Variants in FHIT observed in about 807,000 individuals in gnomAD.
FHIT encodes bis(5'-adenosyl)-triphosphatase.
In FHIT, 19 loss-of-function variants were observed where a neutral mutation model predicts 17.9. The ratio of observed to expected loss-of-function variants is 1.06; its 90% confidence interval spans 0.74 to 1.56. The LOEUF (loss-of-function observed/expected upper bound fraction) is 1.56. Among genes scored for constraint, FHIT ranks in the 40% most tolerant of loss-of-function variants. FHIT has a pLI of 0.00. For synonymous variants in FHIT, 81 were observed against 69.7 expected (o/e 1.16, Z -0.81); for missense variants, 248 against 189.2 (o/e 1.31, Z -1.82).
At chr3:60,997,892 A>G (rs1407331130) in intron 3 of FHIT, among the ~76,000 whole-genome samples, 2 of 152,234 alleles carry the variant, frequency 1.3e-5, no homozygotes, top group African/African-American at 4.8e-5. Context: ...AGGCCAAGGA[A>G]TAATATTATT....
chr3:60,857,569 G>A (rs1553750295), intron 3 of FHIT, among the ~76,000 whole-genome samples: 1 of 152,026 alleles, frequency 6.6e-6, no homozygotes, highest in Non-Finnish European at 1.5e-5. Flanking sequence ...TTGCCACAGA[G>A]TTAGCATGCA....
intron 9 of FHIT, chr3:59,751,043 A>C (rs1464992140): frequency 5.5e-6 from 1 of 181,404 alleles, no homozygotes; most frequent in African/African-American, 2.4e-5. Flanking sequence ...AACAAAAAAG[A>C]AACTATTTAT....
intron 4 of FHIT, among the ~76,000 whole-genome samples, chr3:60,566,583 A>C (rs182801725): frequency 0.044 from 6,674 of 152,126 alleles, 486 homozygotes; most frequent in African/African-American, 0.15. Context: ...ACTCCTATTC[A>C]ACATAGTGTT....
intron 8 of FHIT, among the ~76,000 whole-genome samples, chr3:59,899,928 A>T (rs1051776480): frequency 6.6e-6 from 1 of 152,218 alleles, no homozygotes; most frequent in African/African-American, 2.4e-5. Flanking sequence ...TTTTCTATAA[A>T]GGTCCAGATA....
At chr3:60,302,856 G>C (rs1708507916) in intron 5 of FHIT, among the ~76,000 whole-genome samples, 1 of 152,096 alleles carries the variant, frequency 6.6e-6, no homozygotes, top group Non-Finnish European at 1.5e-5. Flanking sequence ...TTCTCATCAA[G>C]CATCACTTTA....
intron 4 of FHIT, among the ~76,000 whole-genome samples, chr3:60,678,633 A>G (rs1365771276): frequency 1.3e-5 from 2 of 152,164 alleles, no homozygotes; most frequent in Admixed American, 1.3e-4. Flanking sequence ...AAGTTGCACA[A>G]ATGAAATCAG....
intron 5 of FHIT, among the ~76,000 whole-genome samples, chr3:60,340,991 T>C (rs1022619066): frequency 1.3e-5 from 2 of 152,162 alleles, no homozygotes; most frequent in Non-Finnish European, 2.9e-5. Context: ...ACCCGGCCTA[T>C]ATGAGAATTT....
At chr3:60,915,686 G>T (rs543405279) in intron 3 of FHIT, among the ~76,000 whole-genome samples, 26 of 152,036 alleles carry the variant, frequency 1.7e-4, no homozygotes, top group Non-Finnish European at 3.7e-4. Flanking sequence ...CCTCATAAAA[G>T]GTGTTCTAAA....
At chr3:60,575,042 T>A (rs369352024) in intron 4 of FHIT, among the ~76,000 whole-genome samples, 17 of 152,178 alleles carry the variant, frequency 1.1e-4, no homozygotes, top group African/African-American at 3.9e-4. Flanking sequence ...GAGTAAAGAA[T>A]AAAGGAAGAA....
chr3:60,260,676 G>A (rs1576384271), intron 5 of FHIT, among the ~76,000 whole-genome samples: 1 of 151,990 alleles, frequency 6.6e-6, no homozygotes, highest in South Asian at 2.1e-4. Context: ...GGTAAAATAA[G>A]GCTGAGACCT....
chr3:60,569,746 TATA>T (rs1201940125), intron 4 of FHIT, among the ~76,000 whole-genome samples: 9,740 of 81,150 alleles, frequency 0.12, 658 homozygotes, highest in Non-Finnish European at 0.15. Flanking sequence ...TATATATATA[TATA>T]TATATATTTT....
chr3:61,184,160 G>T (rs1439421243), intron 2 of FHIT, among the ~76,000 whole-genome samples: 1 of 152,026 alleles, frequency 6.6e-6, no homozygotes. Flanking sequence ...AAACTACTCT[G>T]ACATTTCAGC....
At chr3:60,415,732 TAA>T (rs5849361) in intron 5 of FHIT, among the ~76,000 whole-genome samples, 55,669 of 143,258 alleles carry the variant, frequency 0.39, 10,743 homozygotes, top group East Asian at 0.51. Context: ...ACGCCTGAGT[TAA>T]AAAAAAAAAA....
At chr3:60,442,002 G>A (rs968438339) in intron 5 of FHIT, among the ~76,000 whole-genome samples, 1 of 150,386 alleles carries the variant, frequency 6.6e-6, no homozygotes, top group African/African-American at 2.4e-5. Flanking sequence ...GGGACTACAG[G>A]TGCATGCTAC....
intron 8 of FHIT, among the ~76,000 whole-genome samples, chr3:59,866,099 C>T (rs545456643): frequency 1.1e-4 from 16 of 152,172 alleles, no homozygotes; most frequent in African/African-American, 3.1e-4. Context: ...GAGTGATAGA[C>T]GATACAGAGA....
chr3:60,397,373 G>A (rs991547062), intron 5 of FHIT, among the ~76,000 whole-genome samples: 1 of 152,110 alleles, frequency 6.6e-6, no homozygotes, highest in South Asian at 2.1e-4. Flanking sequence ...TAGGAGGTTT[G>A]GGAAGAAGGA....
intron 4 of FHIT, among the ~76,000 whole-genome samples, chr3:60,738,770 A>G (rs1043613560): frequency 6.6e-6 from 1 of 152,220 alleles, no homozygotes; most frequent in African/African-American, 2.4e-5. Flanking sequence ...AGTGATACAG[A>G]CAGAAGACAA....
intron 5 of FHIT, among the ~76,000 whole-genome samples, chr3:60,396,405 G>C (rs1701442359): frequency 6.6e-6 from 1 of 152,102 alleles, no homozygotes; most frequent in Admixed American, 6.5e-5. Flanking sequence ...AATCTTTCTT[G>C]TGCTTCAGAA....
intron 1 of FHIT, among the ~76,000 whole-genome samples, chr3:61,215,991 T>G (rs992367380): frequency 6.6e-6 from 1 of 150,872 alleles, no homozygotes; most frequent in Non-Finnish European, 1.5e-5. Flanking sequence ...TACAAATTAA[T>G]TCAAGATGCA....
Sources: allele counts gnomAD v4.1 joint callset (sites outside exome capture counted in the v4.1 genomes callset), GRCh38; gene constraint gnomAD v4.1.1; transcripts MANE v1.5; gene names NCBI Gene and HGNC (gene_info 2026-07-23, HGNC 2026-07-21).